CPAMD8: variants seen among roughly 807,000 people sequenced by gnomAD.
The protein encoded by CPAMD8 is C3 and PZP-like alpha-2-macroglobulin domain-containing protein 8.
Under a neutral mutation model 224.7 loss-of-function variants are expected in CPAMD8, and 146 were observed. The ratio of observed to expected loss-of-function variants is 0.65; its 90% CI spans 0.57 to 0.75. The LOEUF is 0.75. Among genes scored for constraint, CPAMD8 ranks in the 30% least tolerant of loss-of-function variants. CPAMD8 has a pLI of 0.00. For synonymous variants in CPAMD8, 966 were observed against 1,044.6 expected (o/e 0.92, Z 1.45); for missense variants, 2,301 against 2,537.5 (o/e 0.91, Z 2.00).
In CPAMD8 at chr19:17,002,325, A is replaced by G. The variant is rs2123044222; in HGVS notation, c.699T>C (p.Ile233=). The G allele has an allele frequency of 4.4e-6, 7 of 1,606,746 alleles. No homozygotes were observed. The East Asian group carries it at 1.3e-4, about 31-fold the overall frequency. ...KYVLPKFELL[I]DPPRYIQDLD... ...GGTCTTGGATATACCGGGGCGGGTC[A>G]ATCAGAAGCTCAAACTTGGGCAACA... The change falls in exon 9 of 42, where the codon ATT becomes ATC. Residue 233 remains isoleucine (I), a synonymous_variant. Transcript: ENST00000443236.
chr19:16,895,402 A>G (rs766636322), intron 41 of CPAMD8: 7 of 164,222 alleles, frequency 4.3e-5, no homozygotes, highest in Non-Finnish European at 8.0e-5. Context: ...ACGAAACAAC[A>G]CAGGTGAATG....
chr19:16,921,027 C>A lies in CPAMD8; in HGVS notation c.3629+878G>T, dbSNP rs118082244. Among the ~76,000 whole-genome samples the A allele has an allele frequency of 1.8e-4, 27 of 152,104 alleles. No homozygotes were observed. In the East Asian group the frequency reaches 5.0e-3, roughly 28 times the overall value. ...CTGCTTGCTAAGACGTGATTGGGGC[C>A]TTGCGTTATCAGCTGTCGGCAAGGC... On this transcript the variant is annotated intron_variant, in intron 27 of 41. Coordinates refer to ENST00000443236, the MANE Select transcript of CPAMD8 (RefSeq NM_015692.5).
intron 22 of CPAMD8, 109 bp downstream of exon 22, chr19:16,945,440 C>A: frequency 4.1e-6 from 6 of 1,453,754 alleles, no homozygotes; most frequent in Non-Finnish European, 5.5e-6. Flanking sequence ...CCCGTGAAGG[C>A]TGCCCAGGCC....
intron 2 of CPAMD8, among the ~76,000 whole-genome samples, chr19:17,021,589 G>A (rs114935419): frequency 5.3e-5 from 8 of 152,240 alleles, no homozygotes; most frequent in Admixed American, 5.2e-4. Flanking sequence ...TGACCAAGGA[G>A]TGAAGGGGAG....
chr19:16,956,893 C>G (rs1037339539), intron 19 of CPAMD8, among the ~76,000 whole-genome samples: 1 of 152,162 alleles, frequency 6.6e-6, no homozygotes, highest in African/African-American at 2.4e-5. Flanking sequence ...GTCTCGATCT[C>G]CTGATCTCGT....
In CPAMD8 at chr19:16,903,765, G is replaced by A. The variant is rs756994505; in HGVS notation, c.4344C>T (p.Asn1448=). The A allele has an allele frequency of 2.5e-6, 4 of 1,614,200 alleles. No individual in the cohort carries two copies. In the South Asian group the frequency reaches 4.4e-5, roughly 18 times the overall value. ...INLTVSLAST[N]LDYQETFELH... ...GCTCGAAGGTTTCCTGGTAGTCCAGGTTGGTGGAGGCCAGGGAGACAGTGA... is the reference window on the plus strand; with the variant it reads ...GCTCGAAGGTTTCCTGGTAGTCCAGATTGGTGGAGGCCAGGGAGACAGTGA... Residue 1448 remains asparagine, a synonymous_variant, in exon 33 of 42, where the codon AAC becomes AAT. Coordinates refer to ENST00000443236, the MANE Select transcript of CPAMD8 (RefSeq NM_015692.5).
intron 27 of CPAMD8, among the ~76,000 whole-genome samples, chr19:16,921,052 C>T (rs2053156015): frequency 6.6e-6 from 1 of 151,950 alleles, no homozygotes; most frequent in Non-Finnish European, 1.5e-5. Context: ...GTCGGCAAGG[C>T]AGGGCCCTGG....
Position 16,897,694 on chromosome 19 carries a change from G to A in CPAMD8, c.5062C>T (p.Pro1688Ser). ...NEVERAPARG[P>S]GWFPGESGPA... is the part of the protein sequence containing the mutation. ...GGCAGTGGCTCCGCGCACTCACCCG[G>A]GCCCCGGGCAGGGGCGCGCTCCACT... is the stretch of plus-strand genomic sequence containing the variant. Residue 1688 changes from proline to serine, a missense_variant, in exon 39 of 42, where the codon CCG (proline) becomes TCG (serine). Physicochemically the swap from Pro to Ser is moderately conservative, Grantham distance 74. Around this residue, in one of 4 missense-constraint regions of CPAMD8, gnomAD observed 1,709 missense variants for 1,753.2 expected, o/e 0.97. Transcript: ENST00000443236. 6.6e-7 allele frequency: 1 copy of A among 1,519,414 alleles called. No individual in the cohort carries two copies. Among genetic ancestry groups the A allele is most frequent in the Non-Finnish European group, 8.9e-7 (1 of 1,127,664 alleles). The allele number at this position is 1,519,414 out of a possible 1,614,324, so 94.1% of individuals were successfully genotyped here.
intron 1 of CPAMD8, among the ~76,000 whole-genome samples, chr19:17,024,333 C>A (rs896637291): frequency 6.6e-6 from 1 of 152,186 alleles, no homozygotes; most frequent in Admixed American, 6.6e-5. Context: ...AACTCTAGGA[C>A]CAACTGGAGT....
At chr19:16,972,306 G>C (rs555234527) in intron 17 of CPAMD8, among the ~76,000 whole-genome samples, 1 of 152,262 alleles carries the variant, frequency 6.6e-6, no homozygotes, top group East Asian at 1.9e-4. Flanking sequence ...TGGGACTAGA[G>C]GAGTGCACCA....
intron 13 of CPAMD8, among the ~76,000 whole-genome samples, chr19:16,987,410 G>A (rs1171118694): frequency 6.6e-6 from 1 of 151,494 alleles, no homozygotes; most frequent in African/African-American, 2.4e-5. Flanking sequence ...TACTGAACGT[G>A]AAGATGACAA....
At chr19:16,929,595 G>A (rs186088793) in intron 23 of CPAMD8, among the ~76,000 whole-genome samples, 211 of 152,276 alleles carry the variant, frequency 1.4e-3, no homozygotes, top group Middle Eastern at 3.4e-3. Flanking sequence ...AGCTACTTGG[G>A]AGGCCAAGGC....
intron 19 of CPAMD8, among the ~76,000 whole-genome samples, chr19:16,956,705 T>C (rs370514461): frequency 1.1e-3 from 161 of 152,078 alleles, no homozygotes; most frequent in African/African-American, 3.8e-3. Context: ...TCTTGCTCTG[T>C]CACCCAGGCT....
At chr19:16,922,759 G>A (rs1220789508) in intron 26 of CPAMD8, among the ~76,000 whole-genome samples, 2 of 151,870 alleles carry the variant, frequency 1.3e-5, no homozygotes, top group African/African-American at 4.8e-5. Flanking sequence ...CACCACATCT[G>A]GGGTCCTTGA....
intron 6 of CPAMD8, 180 bp downstream of exon 6, chr19:17,009,123 C>T: frequency 3.4e-6 from 3 of 885,438 alleles, no homozygotes; most frequent in Non-Finnish European, 5.2e-6. Context: ...CGGACAGACA[C>T]ACACACAGCC....
chr19:16,918,457 T>C (rs1043982404), intron 27 of CPAMD8, among the ~76,000 whole-genome samples: 3 of 151,394 alleles, frequency 2.0e-5, no homozygotes, highest in African/African-American at 7.3e-5. Flanking sequence ...TTTTTTTTTT[T>C]TTTTTTAAGA....
chr19:16,947,022 C>A (rs1254452259), intron 21 of CPAMD8, 52 bp downstream of exon 21: 2 of 1,534,426 alleles, frequency 1.3e-6, no homozygotes, highest in Non-Finnish European at 1.8e-6. Context: ...AATGCCAGGA[C>A]ACTTTTGTGG....
intron 32 of CPAMD8, 45 bp downstream of exon 32, chr19:16,904,178 CCCA>C: frequency 2.0e-6 from 1 of 495,212 alleles, no homozygotes; most frequent in Non-Finnish European, 3.9e-6. Flanking sequence ...CTGCAGGGAC[CCCA>C]CCCACCCAGC....
intron 22 of CPAMD8, among the ~76,000 whole-genome samples, chr19:16,939,187 T>TTATTTATTTATC (rs1338754473): frequency 1.2e-5 from 1 of 84,634 alleles, no homozygotes; most frequent in East Asian, 3.2e-4. Flanking sequence ...ATTTATTTAT[T>TTATTTATTTATC]TATCTATCTA....
Sources: gnomAD v4.1 joint callset for allele counts (sites outside exome capture counted in the v4.1 genomes callset) on GRCh38, gnomAD v4.1.1 for gene constraint, gnomAD v4.1.1 regional missense constraint, MANE v1.5 for transcripts, NCBI Gene and HGNC (gene_info 2026-07-23, HGNC 2026-07-21) for gene names.